UHRF1: variants seen among roughly 807,000 people sequenced by gnomAD.
UHRF1 encodes the protein E3 ubiquitin-protein ligase UHRF1.
A neutral mutation model predicts 96.5 loss-of-function variants in UHRF1; 9 were observed. The observed-to-expected ratio is 0.09, with a 90% CI of 0.06 to 0.16. The LOEUF (loss-of-function observed/expected upper bound fraction) is 0.16, where lower values mean the gene tolerates loss of function less well. Ranked by LOEUF, UHRF1 falls within the 10% of genes least tolerant of loss-of-function variation. The pLI is 1.00. For synonymous variants in UHRF1, 455 were observed against 469.9 expected (o/e 0.97, Z 0.41); for missense variants, 626 against 1,131.1 (o/e 0.55, Z 6.40).
intron 11 of UHRF1, among the ~76,000 whole-genome samples, chr19:4,950,036 A>ATTT (rs35941264): frequency 7.3e-6 from 1 of 136,386 alleles, no homozygotes; most frequent in African/African-American, 2.7e-5. Flanking sequence ...ACGCCTGGCT[A>ATTT]TTTTTTTTTT....
intron 5 of UHRF1, among the ~76,000 whole-genome samples, chr19:4,937,071 T>C (rs1254900957): frequency 6.6e-6 from 1 of 152,014 alleles, no homozygotes; most frequent in Non-Finnish European, 1.5e-5. Flanking sequence ...TCTCGCTCTC[T>C]TTTGTTCTCC....
upstream of UHRF1, among the ~76,000 whole-genome samples, chr19:4,907,020 T>A (rs1443505980): frequency 6.6e-6 from 1 of 152,184 alleles, no homozygotes; most frequent in African/African-American, 2.4e-5. Flanking sequence ...TTGCAAACAG[T>A]GAACAGCACC....
chr19:4,952,954 A>C (rs2033757983), intron 13 of UHRF1, among the ~76,000 whole-genome samples: 2 of 152,142 alleles, frequency 1.3e-5, no homozygotes, highest in Non-Finnish European at 2.9e-5. Flanking sequence ...CAGCGCTTGC[A>C]GTCCAGACCC....
chr19:4,959,914 G>A (rs1599308221), intron 16 of UHRF1, among the ~76,000 whole-genome samples: 1 of 152,210 alleles, frequency 6.6e-6, no homozygotes, highest in African/African-American at 2.4e-5. Context: ...AGGCTGGAGT[G>A]CAATGGCGTG....
At chr19:4,937,639 T>G (rs934627777) in intron 5 of UHRF1, among the ~76,000 whole-genome samples, 4 of 152,156 alleles carry the variant, frequency 2.6e-5, no homozygotes, top group African/African-American at 9.7e-5. Context: ...GTTAGGATTA[T>G]AGGCGTGAGC....
chr19:4,949,406 CCT>C (rs10580943), intron 11 of UHRF1, among the ~76,000 whole-genome samples: 30,060 of 151,744 alleles, frequency 0.2, 3,927 homozygotes, highest in East Asian at 0.63. Context: ...CTTTAGGAGA[CCT>C]CTGGCTAGGT....
At chr19:4,918,293 T>C (rs2032590523) in intron 2 of UHRF1, among the ~76,000 whole-genome samples, 1 of 151,852 alleles carries the variant, frequency 6.6e-6, no homozygotes, top group Non-Finnish European at 1.5e-5. Context: ...CTAATTTTTT[T>C]GTATTTTTAG....
chr19:4,945,989 G>C, intron 10 of UHRF1, 24 bp downstream of exon 10: 2 of 1,261,050 alleles, frequency 1.6e-6, no homozygotes, highest in Non-Finnish European at 2.2e-6. Context: ...TGGGAGGGGT[G>C]GGGGAGGGTT....
At chr19:4,907,677 C>T (rs1027545673), upstream of UHRF1, among the ~76,000 whole-genome samples, 10 of 149,030 alleles carry the variant, frequency 6.7e-5, no homozygotes, top group Admixed American at 6.7e-4. Context: ...CCAGAGGCTG[C>T]CCATCTTCCT....
intron 11 of UHRF1, among the ~76,000 whole-genome samples, chr19:4,948,594 G>T (rs1002005449): frequency 1.3e-5 from 2 of 151,222 alleles, no homozygotes; most frequent in Non-Finnish European, 2.9e-5. Flanking sequence ...CTGAGGTCAG[G>T]AGTTCAAGAC....
At position 4,954,491 on chromosome 19, in the gene UHRF1, G is replaced by A. The variant is rs1357909438; in HGVS notation, c.1957+3G>A. 6.2e-7 allele frequency: 1 copy of A among 1,607,984 alleles called. No individual in the cohort carries two copies. The highest frequency in any genetic ancestry group is 8.5e-7 in the Non-Finnish European group (1 of 1,175,504). The stretch of plus-strand genomic sequence containing the variant: ...CAAGTGGAAGCGGAAGTCGGCAGGT[G>A]AGAATCTCGTGGGTGTGGGGTGAGC... On this transcript the variant is annotated splice_donor_region_variant and intron_variant, in intron 14 of 16. Transcript: ENST00000650932. The surrounding 1 kb of genome is among the most constrained non-coding windows in gnomAD (Gnocchi z 5.9).
intron 2 of UHRF1, among the ~76,000 whole-genome samples, chr19:4,917,243 C>T (rs116903907): frequency 0.016 from 2,385 of 152,030 alleles, 30 homozygotes; most frequent in Middle Eastern, 0.086. Context: ...AGGCATGAGC[C>T]ACCACACTCG....
intron 2 of UHRF1, among the ~76,000 whole-genome samples, chr19:4,920,287 C>T (rs1206340263): frequency 1.3e-5 from 2 of 152,034 alleles, no homozygotes; most frequent in Non-Finnish European, 2.9e-5. Flanking sequence ...CAAAGATTAG[C>T]TGGGTATGCT....
intron 2 of UHRF1, among the ~76,000 whole-genome samples, chr19:4,928,727 G>T (rs1435964726): frequency 2.0e-5 from 3 of 152,150 alleles, no homozygotes; most frequent in African/African-American, 7.2e-5. Flanking sequence ...GGCACTGCAG[G>T]GTGCCGAGCA....
chr19:4,938,165 G>A (rs1463515502), intron 5 of UHRF1, among the ~76,000 whole-genome samples: 1 of 151,612 alleles, frequency 6.6e-6, no homozygotes, highest in Non-Finnish European at 1.5e-5. Context: ...GTGGGGTGGG[G>A]GAGGAAGGGA....
At chr19:4,957,347 T>C (rs1192604052) in intron 16 of UHRF1, among the ~76,000 whole-genome samples, 3 of 131,656 alleles carry the variant, frequency 2.3e-5, no homozygotes, top group Non-Finnish European at 3.2e-5. Flanking sequence ...CTCGCTCTGT[T>C]GCCCATGCTG....
chr19:4,910,836 T>C, intron 1 of UHRF1, 40 bp from the exon 2 acceptor site: 1 of 1,563,780 alleles, frequency 6.4e-7, no homozygotes, highest in Non-Finnish European at 8.7e-7. Context: ...TCAGAGGTGC[T>C]GGTAAAACTG....
At chr19:4,952,859 G>A (rs982027420) in intron 13 of UHRF1, among the ~76,000 whole-genome samples, 1 of 152,086 alleles carries the variant, frequency 6.6e-6, no homozygotes, top group Non-Finnish European at 1.5e-5. Flanking sequence ...ACCAGAGTTT[G>A]GCCAGCTAAG....
At position 4,956,716 on chromosome 19, in the gene UHRF1, T is replaced by C. The variant is rs1390197133; in HGVS notation, c.2138T>C (p.Leu713Ser). ...DRPASGSPFQLFLSKVEETFQ... is the reference protein window; with the variant it reads ...DRPASGSPFQSFLSKVEETFQ... ...ACACCCGCTTCCCTCTAGTTCCAGT[T>C]GTTCCTGAGTAAAGTGGAGGAGACG... Residue 713 changes from leucine to serine, a missense_variant, in exon 16 of 17, where the codon TTG becomes TCG. Leu to Ser is a moderately radical substitution (Grantham distance 145). Coordinates refer to ENST00000650932, the MANE Select transcript of UHRF1 (RefSeq NM_001048201.3). 6.2e-7 allele frequency: 1 copy of C among 1,610,508 alleles called. No individual in the cohort carries two copies. Among genetic ancestry groups the C allele is most frequent in the Non-Finnish European group, 8.5e-7 (1 of 1,178,076 alleles).
Sources: allele counts gnomAD v4.1 joint callset (sites outside exome capture counted in the v4.1 genomes callset), GRCh38; gene constraint gnomAD v4.1.1; non-coding constraint Gnocchi (gnomAD v3.1); transcripts MANE v1.5; gene names NCBI Gene and HGNC (gene_info 2026-07-23, HGNC 2026-07-21).